Variants in PLEKHG1 observed in about 807,000 individuals in gnomAD.
PLEKHG1 encodes the protein pleckstrin homology and RhoGEF domain containing G1.
Under a neutral mutation model 100.8 loss-of-function variants are expected in PLEKHG1, and 44 were observed. The observed-to-expected ratio is 0.44, with a 90% CI of 0.34 to 0.56. PLEKHG1 has a LOEUF of 0.56. Ranked by LOEUF, PLEKHG1 falls within the 20% of genes least tolerant of loss-of-function variation. The pLI is 0.01. For missense variants in PLEKHG1, 1,545 were observed against 1,720.9 expected, an observed-to-expected ratio of 0.90 and a Z score of 1.81; for synonymous variants, 640 against 662.5, an observed-to-expected ratio of 0.97 and a Z score of 0.52.
chr6:150,836,087 TGAAAG>T (rs1334354123), intron 15 of PLEKHG1, among the ~76,000 whole-genome samples: 1 of 152,122 alleles, frequency 6.6e-6, no homozygotes, highest in Non-Finnish European at 1.5e-5. Flanking sequence ...AGGCTTAAAA[TGAAAG>T]GAGTCTGGGT....
intron 1 of PLEKHG1, among the ~76,000 whole-genome samples, chr6:150,607,993 C>G (rs953760499): frequency 1.3e-5 from 2 of 152,084 alleles, no homozygotes; most frequent in Non-Finnish European, 2.9e-5. Context: ...CCCCCTTTGA[C>G]AATTGTTTAG....
intron 1 of PLEKHG1, among the ~76,000 whole-genome samples, chr6:150,607,937 T>C (rs1264185447): frequency 6.6e-6 from 1 of 152,184 alleles, no homozygotes; most frequent in East Asian, 1.9e-4. Context: ...GTCTTGGCTT[T>C]TCTCCATTTT....
intron 13 of PLEKHG1, among the ~76,000 whole-genome samples, chr6:150,821,548 G>A (rs1562551947): frequency 6.6e-6 from 1 of 151,920 alleles, no homozygotes; most frequent in South Asian, 2.1e-4. Context: ...GCCAGTCCCA[G>A]TGGCTCGTGC....
At chr6:150,604,252 A>T (rs10484775) in intron 1 of PLEKHG1, among the ~76,000 whole-genome samples, 66,050 of 152,100 alleles carry the variant, frequency 0.43, 15,165 homozygotes, top group Non-Finnish European at 0.5. Context: ...TGAAGTGGTG[A>T]ATAGATCTAG....
chr6:150,632,549 C>CCT (rs1777804477), intron 1 of PLEKHG1, among the ~76,000 whole-genome samples: 1 of 152,248 alleles, frequency 6.6e-6, no homozygotes, highest in Admixed American at 6.5e-5. Context: ...GGCCATACCC[C>CCT]TCTACCTGGC....
intron 2 of PLEKHG1, among the ~76,000 whole-genome samples, chr6:150,639,673 C>T (rs531885106): frequency 6.6e-6 from 1 of 152,114 alleles, no homozygotes; most frequent in Admixed American, 6.5e-5. Context: ...GGCTCATCTA[C>T]ATAGTGATGG....
At chr6:150,827,678 G>T in intron 14 of PLEKHG1, 1 of 955,422 alleles carries the variant, frequency 1.0e-6, no homozygotes, top group Non-Finnish European at 1.7e-6. Flanking sequence ...GGACCCCAAC[G>T]CAGACACTGA....
chr6:150,725,867 T>G (rs1220073098), intron 1 of PLEKHG1, among the ~76,000 whole-genome samples: 1 of 152,168 alleles, frequency 6.6e-6, no homozygotes, highest in African/African-American at 2.4e-5. Context: ...GGGTTCATTT[T>G]TATTCTTTTT....
chr6:150,839,937 C>G lies in PLEKHG1; in HGVS notation c.3199C>G (p.Leu1067Val), dbSNP rs1268077998. The stretch of plus-strand genomic sequence containing the variant: ...CTGGGCCAGCCCTCAAGAATCCTCC[C>G]TCCTGAGGTCTGTGTCACCTTCCCA... Residue 1067 changes from leucine (L) to valine (V), a missense_variant, in exon 16 of 16, where the codon CTC becomes GTC. Physicochemically the swap from Leu to Val is conservative, Grantham distance 32. Transcript: ENST00000358517. The G allele has an allele frequency of 2.5e-6, 4 of 1,613,406 alleles. No individual in the cohort carries two copies. The Admixed American group carries it at 5.0e-5, about 20-fold the overall frequency.
chr6:150,748,366 C>G lies in PLEKHG1; in HGVS notation c.411+14274C>G, dbSNP rs543243083. Among the ~76,000 whole-genome samples, 540 of 152,260 alleles carry G rather than the reference C, an allele frequency of 3.5e-3. 3 individuals are homozygous for G. The highest frequency in any genetic ancestry group is 0.012 in the African/African-American group (489 of 41,544). ...CACCAAGTTTTAGAACTGGAAATAA[C>G]TCAGTTAAATCTCACCATAAATTCT... On this transcript the variant is annotated intron_variant, in intron 2 of 15. Transcript: ENST00000358517.
chr6:150,603,165 G>A (rs1776439299), intron 1 of PLEKHG1, among the ~76,000 whole-genome samples: 1 of 151,452 alleles, frequency 6.6e-6, no homozygotes, highest in Non-Finnish European at 1.5e-5. Context: ...TTTCTAATGC[G>A]AAATGTTGGT....
intron 15 of PLEKHG1, among the ~76,000 whole-genome samples, chr6:150,832,435 T>A (rs1777001826): frequency 6.6e-6 from 1 of 152,122 alleles, no homozygotes; most frequent in Non-Finnish European, 1.5e-5. Flanking sequence ...GCATGTAACA[T>A]CGTAACTGCA....
intron 12 of PLEKHG1, among the ~76,000 whole-genome samples, chr6:150,820,403 G>T (rs1291271302): frequency 6.6e-6 from 1 of 152,144 alleles, no homozygotes; most frequent in African/African-American, 2.4e-5. Flanking sequence ...ATTCATATTT[G>T]CTGCACCAGA....
intron 2 of PLEKHG1, among the ~76,000 whole-genome samples, chr6:150,742,030 A>G (rs1331308649): frequency 6.6e-6 from 1 of 152,216 alleles, no homozygotes; most frequent in East Asian, 1.9e-4. Flanking sequence ...TGACAGCTTT[A>G]AATATCTGGA....
intron 6 of PLEKHG1, 36 bp from the exon 8 acceptor site, chr6:150,804,574 G>GA (rs549474947): frequency 0.19 from 199,524 of 1,032,146 alleles, 537 homozygotes; most frequent in African/African-American, 0.22. Context: ...AAAATAAAAT[G>GA]AAAAAAAAAA....
chr6:150,636,689 G>A (rs556905227), intron 1 of PLEKHG1, among the ~76,000 whole-genome samples: 319 of 152,176 alleles, frequency 2.1e-3, no homozygotes, highest in African/African-American at 6.7e-3. Flanking sequence ...GGAGTTCTAG[G>A]TTGTTCTCAT....
chr6:150,761,099 C>CTTTTTTTTTTTTTTTTTTT (rs35068801), intron 2 of PLEKHG1, among the ~76,000 whole-genome samples: 1 of 95,950 alleles, frequency 1.0e-5, no homozygotes, highest in African/African-American at 4.2e-5. Context: ...TTCTTTTTTT[C>CTTTTTTTTTTTTTTTTTTT]TTTTTTTTTT....
At chr6:150,648,572 T>C (rs1305348194) in intron 2 of PLEKHG1, among the ~76,000 whole-genome samples, 2 of 152,172 alleles carry the variant, frequency 1.3e-5, no homozygotes. Flanking sequence ...ATGTGTTGTA[T>C]ACTAGAAATT....
intron 3 of PLEKHG1, among the ~76,000 whole-genome samples, chr6:150,783,083 A>G (rs1785406747): frequency 6.8e-6 from 1 of 146,168 alleles, no homozygotes; most frequent in Admixed American, 6.9e-5. Flanking sequence ...CATCCAAAAC[A>G]CATGTTTAAA....
Sources: gnomAD v4.1 joint callset for allele counts (sites outside exome capture counted in the v4.1 genomes callset) on GRCh38, gnomAD v4.1.1 for gene constraint, MANE v1.5 for transcripts, NCBI Gene and HGNC (gene_info 2026-07-23, HGNC 2026-07-21) for gene names.